Variants in CPPED1 observed in about 807,000 individuals in gnomAD.
CPPED1 encodes serine/threonine-protein phosphatase CPPED1.
A neutral mutation model predicts 28.0 loss-of-function variants in CPPED1; 28 were observed. That is an observed-to-expected ratio of 1.00 (90% confidence interval 0.74 to 1.37). The LOEUF (loss-of-function observed/expected upper bound fraction) is 1.37. CPPED1 is among the 40% of genes most tolerant of loss of function. The pLI, the probability that CPPED1 is intolerant of heterozygous loss-of-function variation, is 0.00. For missense variants in CPPED1, 504 were observed against 416.5 expected, an observed-to-expected ratio of 1.21 and a Z score of -1.83; for synonymous variants, 198 against 180.2, an observed-to-expected ratio of 1.10 and a Z score of -0.79.
intron 2 of CPPED1, among the ~76,000 whole-genome samples, chr16:12,719,390 C>CAA (rs746297859): frequency 2.5e-4 from 23 of 90,486 alleles, no homozygotes; most frequent in African/African-American, 7.9e-4. Context: ...GACTGCGTCT[C>CAA]AAAAAAAAAA....
chr16:12,674,726 A>C (rs1432535368), intron 3 of CPPED1, among the ~76,000 whole-genome samples: 1 of 152,242 alleles, frequency 6.6e-6, no homozygotes, highest in African/African-American at 2.4e-5. Flanking sequence ...CCACACAGCT[A>C]GACAACAGGG....
chr16:12,758,370 G>C (rs528286653), intron 2 of CPPED1, among the ~76,000 whole-genome samples: 2 of 152,234 alleles, frequency 1.3e-5, no homozygotes, highest in East Asian at 1.9e-4. Context: ...TCTCCAAAAA[G>C]CCTGTATGTT....
In CPPED1 at chr16:12,803,873, A is replaced by T. The variant is rs2080677557; in HGVS notation, c.-97T>A. ...CGCTGGACCTGTCCCGCTTTGGGCGACGCCCTTTGATCTCGGGGCGGGACT... is the reference window on the plus strand; with the variant it reads ...CGCTGGACCTGTCCCGCTTTGGGCGTCGCCCTTTGATCTCGGGGCGGGACT... On this transcript the variant is annotated 5_prime_UTR_variant, in exon 1 of 4. Coordinates refer to ENST00000381774, the MANE Select transcript of CPPED1 (RefSeq NM_018340.3). 1.8e-6 allele frequency: 2 copies of T among 1,136,160 alleles called. No homozygotes were observed. The highest frequency in any genetic ancestry group is 5.7e-5 in the Admixed American group (2 of 35,376). The allele number at this position is 1,136,160 out of a possible 1,614,324, so 70.4% of individuals were successfully genotyped here.
At chr16:12,766,881 A>G (rs956568275) in intron 2 of CPPED1, among the ~76,000 whole-genome samples, 2 of 152,144 alleles carry the variant, frequency 1.3e-5, no homozygotes, top group African/African-American at 4.8e-5. Flanking sequence ...GCCATAGCCG[A>G]TTTGCCTAAC....
At chr16:12,777,210 TTATTCCTG>T (rs1394630861) in intron 2 of CPPED1, among the ~76,000 whole-genome samples, 1 of 152,222 alleles carries the variant, frequency 6.6e-6, no homozygotes, top group African/African-American at 2.4e-5. Context: ...AAGGGAAGAA[TTATTCCTG>T]TATTAACTGT....
intron 2 of CPPED1, among the ~76,000 whole-genome samples, chr16:12,722,834 G>A (rs1250642268): frequency 1.3e-5 from 2 of 152,188 alleles, no homozygotes; most frequent in East Asian, 1.9e-4. Flanking sequence ...CGGACCCCAA[G>A]GCTGGGTGGT....
At chr16:12,716,855 C>T (rs1276964134) in intron 2 of CPPED1, among the ~76,000 whole-genome samples, 3 of 151,842 alleles carry the variant, frequency 2.0e-5, no homozygotes, top group South Asian at 4.1e-4. Context: ...GGGGCCCAGA[C>T]ATGGGAACAG....
At chr16:12,694,901 T>G (rs1294687364) in intron 3 of CPPED1, among the ~76,000 whole-genome samples, 1 of 151,986 alleles carries the variant, frequency 6.6e-6, no homozygotes. Flanking sequence ...CTTCAGCCTC[T>G]GGAGTAGCTG....
Position 12,792,776 on chromosome 16 carries a change from C to T in CPPED1, c.70+10931G>A, listed in dbSNP as rs182040467. Reference sequence around the variant, plus strand: ...CCCCTGCACACGCTCTCTTGCCTGCCACCATGTAAGACATGCCTTTGCTCT... The same window carrying T: ...CCCCTGCACACGCTCTCTTGCCTGCTACCATGTAAGACATGCCTTTGCTCT... On this transcript the variant is annotated intron_variant, in intron 1 of 3. Coordinates refer to ENST00000381774, the MANE Select transcript of CPPED1 (RefSeq NM_018340.3). Among the ~76,000 whole-genome samples the T allele has an allele frequency of 4.6e-5, 7 of 152,280 alleles. No individual in the cohort carries two copies. In the East Asian group the frequency reaches 1.4e-3, roughly 29 times the overall value.
chr16:12,662,475 C>T lies in CPPED1; in HGVS notation c.*2411G>A, dbSNP rs1465756961. Reference sequence around the variant, plus strand: ...CGAAGTGGTGAAGTCCAGGCTTTTCCTGCAACCAACACCAGAAAAGTGTAC... The same window carrying T: ...CGAAGTGGTGAAGTCCAGGCTTTTCTTGCAACCAACACCAGAAAAGTGTAC... On this transcript the variant is annotated 3_prime_UTR_variant, in exon 4 of 4. Coordinates refer to ENST00000381774, the MANE Select transcript of CPPED1 (RefSeq NM_018340.3). The T allele has an allele frequency of 6.6e-6, 1 of 152,166 alleles. No homozygotes were observed. Among genetic ancestry groups the T allele is most frequent in the Non-Finnish European group, 1.5e-5 (1 of 68,032 alleles). The allele number at this position is 152,166 out of a possible 1,614,324, so 9.4% of individuals were successfully genotyped here.
At chr16:12,747,582 T>A (rs1380476047) in intron 2 of CPPED1, among the ~76,000 whole-genome samples, 1 of 152,066 alleles carries the variant, frequency 6.6e-6, no homozygotes, top group African/African-American at 2.4e-5. Context: ...ATAAATTAAA[T>A]GTGTAAAAAC....
chr16:12,698,356 G>C (rs987916242), intron 3 of CPPED1, among the ~76,000 whole-genome samples: 1 of 152,176 alleles, frequency 6.6e-6, no homozygotes, highest in Non-Finnish European at 1.5e-5. Context: ...AAGGATGTCA[G>C]AGCAGGATTT....
At chr16:12,685,056 A>T (rs543149064) in intron 3 of CPPED1, among the ~76,000 whole-genome samples, 5 of 152,344 alleles carry the variant, frequency 3.3e-5, no homozygotes, top group African/African-American at 1.2e-4. Context: ...GAGACAGTGG[A>T]ACGAGCACCG....
At position 12,704,988 on chromosome 16, in the gene CPPED1, C is replaced by T. The variant is rs1290021306; in HGVS notation, c.351G>A (p.Arg117=). The T allele has an allele frequency of 6.2e-7, 1 of 1,614,106 alleles. No homozygotes were observed. The highest frequency in any genetic ancestry group is 2.2e-5 in the East Asian group (1 of 44,900). The change falls in exon 3 of 4, where the codon AGG becomes AGA. Residue 117 remains arginine (R), a synonymous_variant. Transcript: ENST00000381774. ...DLKRVLRAVD[R]AIPLVLVSGN... is the part of the protein sequence containing the mutation. ...CGCTGACAAGGACCAGTGGGATGGC[C>T]CTGTCCACTGCCCTAAGCACTCGCT...
intron 2 of CPPED1, among the ~76,000 whole-genome samples, chr16:12,712,759 C>A (rs539967916): frequency 1.3e-5 from 2 of 152,006 alleles, no homozygotes; most frequent in South Asian, 2.1e-4. Flanking sequence ...AATAAATCTA[C>A]GAGTTGGTAT....
At position 12,803,846 on chromosome 16, in the gene CPPED1, A is replaced by G. The variant is rs2080677202; in HGVS notation, c.-70T>C. ...AAGCCGCGCGACTTCACACAGAACAACCGCTGGACCTGTCCCGCTTTGGGC... is the reference window on the plus strand; with the variant it reads ...AAGCCGCGCGACTTCACACAGAACAGCCGCTGGACCTGTCCCGCTTTGGGC... On this transcript the variant is annotated 5_prime_UTR_variant, in exon 1 of 4. Coordinates refer to ENST00000381774, the MANE Select transcript of CPPED1 (RefSeq NM_018340.3). 4 of 1,323,192 alleles carry G rather than the reference A, an allele frequency of 3.0e-6. No homozygotes were observed. The South Asian group carries it at 5.2e-5, about 17-fold the overall frequency. The allele number at this position is 1,323,192 out of a possible 1,614,324, so 82.0% of individuals were successfully genotyped here.
intron 2 of CPPED1, among the ~76,000 whole-genome samples, chr16:12,722,190 G>A (rs954947450): frequency 6.6e-6 from 1 of 152,194 alleles, no homozygotes; most frequent in African/African-American, 2.4e-5. Flanking sequence ...CGGAGAAACA[G>A]TCAGGTGATG....
intron 2 of CPPED1, among the ~76,000 whole-genome samples, chr16:12,727,076 C>A (rs1596461917): frequency 2.0e-5 from 3 of 152,122 alleles, no homozygotes; most frequent in African/African-American, 7.2e-5. Flanking sequence ...TGATGAAGAG[C>A]AAATAACTCT....
At chr16:12,695,329 A>G (rs1453878354) in intron 3 of CPPED1, among the ~76,000 whole-genome samples, 2 of 152,122 alleles carry the variant, frequency 1.3e-5, no homozygotes, top group Admixed American at 6.5e-5. Flanking sequence ...CAGTGGTGCA[A>G]TCACAGCTCA....
Sources: gnomAD v4.1 joint callset for allele counts (sites outside exome capture counted in the v4.1 genomes callset) on GRCh38, gnomAD v4.1.1 for gene constraint, MANE v1.5 for transcripts, NCBI Gene and HGNC (gene_info 2026-07-23, HGNC 2026-07-21) for gene names.